Variants in AOPEP observed in about 807,000 individuals in gnomAD.
AOPEP encodes the protein aminopeptidase O (putative).
In AOPEP, 77 loss-of-function variants were observed where a neutral mutation model predicts 98.1. That is an observed-to-expected ratio of 0.78 (90% CI 0.65 to 0.95). The LOEUF is 0.95. Ranked by LOEUF, AOPEP falls within the 40% of genes least tolerant of loss-of-function variation. AOPEP has a pLI of 0.00. For missense variants in AOPEP, 1,024 were observed against 1,024.7 expected, an observed-to-expected ratio of 1.00 and a Z score of 0.01; for synonymous variants, 346 against 365.3, an observed-to-expected ratio of 0.95 and a Z score of 0.60.
the AOPEP span, among the ~76,000 whole-genome samples, chr9:95,123,124 A>C: frequency 6.4e-4 from 97 of 151,732 alleles, no homozygotes; most frequent in African/African-American, 2.2e-3. Flanking sequence ...CAACAGAGAG[A>C]CTCTATCTCT....
At chr9:94,897,664 T>A (rs2049759641) in intron 5 of AOPEP, among the ~76,000 whole-genome samples, 1 of 152,138 alleles carries the variant, frequency 6.6e-6, no homozygotes, top group African/African-American at 2.4e-5. Context: ...GTTTCTTATT[T>A]TATCAAGTGT....
At chr9:94,882,094 G>A (rs917571467) in intron 5 of AOPEP, among the ~76,000 whole-genome samples, 2 of 152,214 alleles carry the variant, frequency 1.3e-5, no homozygotes, top group African/African-American at 4.8e-5. Flanking sequence ...AACATGGAGT[G>A]AAGGTGGTTA....
the AOPEP span, among the ~76,000 whole-genome samples, chr9:95,144,904 C>T: frequency 1.3e-5 from 2 of 152,152 alleles, no homozygotes; most frequent in African/African-American, 2.4e-5. Flanking sequence ...AAGGACCAAA[C>T]ATAACGCTCG....
chr9:94,739,798 C>T (rs139992329), intron 1 of AOPEP, among the ~76,000 whole-genome samples: 25 of 152,266 alleles, frequency 1.6e-4, no homozygotes, highest in African/African-American at 6.0e-4. Flanking sequence ...ATTGGTTGGA[C>T]TGTTCTTCTA....
intron 14 of AOPEP, among the ~76,000 whole-genome samples, chr9:95,071,337 C>T (rs573590548): frequency 6.3e-4 from 88 of 139,992 alleles, no homozygotes; most frequent in Admixed American, 2.5e-3. Context: ...TTTCAGATTT[C>T]GGATTTTTGA....
Position 94,838,169 on chromosome 9 carries a change from C to T in AOPEP, c.1364+37167C>T, listed in dbSNP as rs145891308. ...GACTACAGGCACCCGCCACCCATGCCTGGCTCATTTTTTGTATTTTTAGTA... is the reference window on the plus strand; with the variant it reads ...GACTACAGGCACCCGCCACCCATGCTTGGCTCATTTTTTGTATTTTTAGTA... On this transcript the variant is annotated intron_variant, in intron 5 of 16. Coordinates refer to ENST00000375315, the MANE Select transcript of AOPEP (RefSeq NM_001193329.3). 7.4e-3 allele frequency among the ~76,000 whole-genome samples: 1,129 copies of T among 152,210 alleles called. 15 individuals are homozygous for T. The highest frequency in any genetic ancestry group is 0.026 in the African/African-American group (1,090 of 41,534).
chr9:94,910,426 G>A (rs1186494190), intron 5 of AOPEP, among the ~76,000 whole-genome samples: 2 of 152,204 alleles, frequency 1.3e-5, no homozygotes, highest in African/African-American at 4.8e-5. Context: ...CTGGGTCTCG[G>A]GCAGCCTTGC....
At chr9:94,889,822 C>T (rs1385091449) in intron 5 of AOPEP, among the ~76,000 whole-genome samples, 1 of 152,114 alleles carries the variant, frequency 6.6e-6, no homozygotes. Flanking sequence ...TCAGTCTTTC[C>T]ACATCGTCAC....
At chr9:94,730,241 G>T (rs921835721) in intron 1 of AOPEP, among the ~76,000 whole-genome samples, 4 of 145,946 alleles carry the variant, frequency 2.7e-5, no homozygotes, top group African/African-American at 7.7e-5. Context: ...CCGAGTTTGC[G>T]CCACTGCACT....
chr9:95,117,328 C>T, the AOPEP span: 1 of 1,614,048 alleles, frequency 6.2e-7, no homozygotes, highest in Non-Finnish European at 8.5e-7. Flanking sequence ...GAGGGTCTTG[C>T]AGCAGCACCA....
chr9:95,134,827 G>T, the AOPEP span, among the ~76,000 whole-genome samples: 5 of 152,242 alleles, frequency 3.3e-5, no homozygotes, highest in Non-Finnish European at 7.3e-5. Context: ...AGCGGGAAGG[G>T]AGCCAGGCGC....
At chr9:95,095,427 G>A in the AOPEP span, among the ~76,000 whole-genome samples, 83 of 152,304 alleles carry the variant, frequency 5.4e-4, no homozygotes, top group East Asian at 0.011. Context: ...GTCCCTGCCC[G>A]TGCGTTTCGA....
chr9:94,864,724 AT>A (rs2045513287), intron 5 of AOPEP, among the ~76,000 whole-genome samples: 1 of 152,176 alleles, frequency 6.6e-6, no homozygotes, highest in African/African-American at 2.4e-5. Flanking sequence ...AAAAATATTA[AT>A]GTTTTATACT....
intron 7 of AOPEP, chr9:94,933,192 C>T: frequency 4.1e-6 from 4 of 985,750 alleles, no homozygotes; most frequent in Non-Finnish European, 4.8e-6. Flanking sequence ...ACTCGTGCAG[C>T]AGTGGTGGCT....
intron 7 of AOPEP, among the ~76,000 whole-genome samples, chr9:94,948,782 C>G (rs2057879356): frequency 6.6e-6 from 1 of 152,162 alleles, no homozygotes; most frequent in Non-Finnish European, 1.5e-5. Context: ...AAAGTTGAAT[C>G]AAAATGGGAG....
At chr9:94,956,915 C>T (rs539038974) in intron 9 of AOPEP, among the ~76,000 whole-genome samples, 18 of 152,146 alleles carry the variant, frequency 1.2e-4, no homozygotes, top group Non-Finnish European at 2.4e-4. Context: ...GTAACAAGAC[C>T]GGATGGCTGT....
chr9:94,869,736 C>T (rs540867874), intron 5 of AOPEP, among the ~76,000 whole-genome samples: 47 of 152,288 alleles, frequency 3.1e-4, no homozygotes, highest in African/African-American at 1.1e-3. Context: ...GATTACTTAT[C>T]TGTAGAATGT....
At chr9:94,797,825 C>T (rs553534227) in intron 4 of AOPEP, among the ~76,000 whole-genome samples, 2 of 151,866 alleles carry the variant, frequency 1.3e-5, no homozygotes, top group South Asian at 4.2e-4. Context: ...GCCTCAGTCT[C>T]CCAAGTAGCT....
At chr9:94,732,698 A>G (rs1460072393) in intron 1 of AOPEP, among the ~76,000 whole-genome samples, 2 of 152,238 alleles carry the variant, frequency 1.3e-5, no homozygotes, top group African/African-American at 2.4e-5. Flanking sequence ...GATCTGGCAC[A>G]TCAAAGGAGA....
Sources: gnomAD v4.1 joint callset for allele counts (sites outside exome capture counted in the v4.1 genomes callset) on GRCh38, gnomAD v4.1.1 for gene constraint, MANE v1.5 for transcripts, NCBI Gene and HGNC (gene_info 2026-07-23, HGNC 2026-07-21) for gene names.